CPD: variants seen among roughly 807,000 people sequenced by gnomAD.
CPD encodes the protein carboxypeptidase D.
A neutral mutation model predicts 138.3 loss-of-function variants in CPD; 69 were observed. The ratio of observed to expected loss-of-function variants is 0.50; its 90% confidence interval spans 0.41 to 0.61. The LOEUF is 0.61. Ranked by LOEUF, CPD falls within the 20% of genes least tolerant of loss-of-function variation. The probability of loss-of-function intolerance (pLI) is 0.00; values close to 1 mark genes in which losing one functional copy is unlikely to be tolerated. For missense variants in CPD, 1,432 were observed against 1,733.3 expected (o/e 0.83, Z 3.09); for synonymous variants, 651 against 642.1 (o/e 1.01, Z -0.21).
At chr17:30,455,275 T>C in intron 14 of CPD, 64 bp from the exon 15 acceptor site, 2 of 1,311,354 alleles carry the variant, frequency 1.5e-6, no homozygotes, top group South Asian at 2.8e-5. Context: ...AGAGAATATT[T>C]TCTTAGATAC....
intron 7 of CPD, among the ~76,000 whole-genome samples, chr17:30,430,658 C>T (rs1052360073): frequency 2.0e-5 from 3 of 151,976 alleles, no homozygotes; most frequent in Admixed American, 6.6e-5. Context: ...TTTCCCCGTG[C>T]CCCCCTTGTT....
At chr17:30,381,857 A>T (rs759871738) in intron 1 of CPD, among the ~76,000 whole-genome samples, 1 of 152,232 alleles carries the variant, frequency 6.6e-6, no homozygotes, top group Non-Finnish European at 1.5e-5. Context: ...TATTTCGAAT[A>T]TGTAAAATTT....
chr17:30,455,739 G>A (rs775990082), intron 15 of CPD: 39 of 338,702 alleles, frequency 1.2e-4, no homozygotes, highest in Non-Finnish European at 1.8e-4. Context: ...TATTATGTCT[G>A]TAAATATTGA....
chr17:30,439,124 G>C (rs1393469022), intron 9 of CPD, 47 bp downstream of exon 9: 2 of 1,041,170 alleles, frequency 1.9e-6, no homozygotes, highest in African/African-American at 1.7e-5. Context: ...TGGCCTTTCT[G>C]CTTTCCTAGA....
chr17:30,408,218 T>G (rs535037781), intron 2 of CPD, among the ~76,000 whole-genome samples: 1 of 152,314 alleles, frequency 6.6e-6, no homozygotes, highest in South Asian at 2.1e-4. Context: ...AGCCTTGTAG[T>G]ATAGTTTGAA....
At chr17:30,429,531 C>T (rs534909877) in intron 7 of CPD, among the ~76,000 whole-genome samples, 1 of 151,998 alleles carries the variant, frequency 6.6e-6, no homozygotes, top group Non-Finnish European at 1.5e-5. Context: ...GTAAAAAATC[C>T]TCATAGAGTC....
At chr17:30,427,836 A>G (rs1373107199) in intron 7 of CPD, among the ~76,000 whole-genome samples, 3 of 130,048 alleles carry the variant, frequency 2.3e-5, no homozygotes, top group African/African-American at 8.9e-5. Flanking sequence ...CTCACCTACT[A>G]CTTCTCTTTC....
chr17:30,463,153 G>T (rs973558417), intron 20 of CPD, among the ~76,000 whole-genome samples: 1 of 152,186 alleles, frequency 6.6e-6, no homozygotes, highest in Non-Finnish European at 1.5e-5. Context: ...TGGGGGGCCT[G>T]TTCCCAACAC....
rs748726965 is a variant in CPD at position 30,379,556 on chromosome 17, G to T, written c.576G>T (p.Glu192Asp). The change falls in exon 1 of 21, where the codon GAG (glutamate) becomes GAT (aspartate). Residue 192 changes from glutamate (E) to aspartate (D), a missense_variant. This residue lies in a region of CPD where 484 missense variants were observed against 477.2 expected (regional missense o/e 1.01). Coordinates refer to ENST00000225719, the MANE Select transcript of CPD (RefSeq NM_001304.5). This position sits in a 1 kb window ranked among gnomAD's most constrained non-coding sequence, Gnocchi z 7.0. The stretch of plus-strand genomic sequence containing the variant: ...CCGATGGCTTCGAGCGTGCCCGCGA[G>T]GGCGACTGTGGCTTCGGCGACGGCG... ...LNPDGFERAR[E>D]GDCGFGDGGP... 1.3e-6 allele frequency: 2 copies of T among 1,543,014 alleles called. No individual in the cohort carries two copies. The highest frequency in any genetic ancestry group is 1.2e-5 in the South Asian group (1 of 83,706).
chr17:30,396,375 TA>T (rs901313250), intron 2 of CPD, among the ~76,000 whole-genome samples: 57 of 144,976 alleles, frequency 3.9e-4, no homozygotes, highest in Admixed American at 9.6e-4. Context: ...CAGAGGCAAG[TA>T]AAAAAAAAAA....
rs1332660082 is a variant in CPD at position 30,449,763 on chromosome 17, G to A, written c.3069+15G>A. ...CTGTTACCCAAGTAAGAGAATAGCC[G>A]AGGTTGACATGCTTTAAAAGGAAAA... On this transcript the variant is annotated intron_variant, in intron 13 of 20. Coordinates refer to ENST00000225719, the MANE Select transcript of CPD (RefSeq NM_001304.5). 4.1e-5 allele frequency: 63 copies of A among 1,535,102 alleles called. No individual in the cohort carries two copies. Among genetic ancestry groups the A allele is most frequent in the Admixed American group, 1.8e-4 (7 of 39,974 alleles).
intron 2 of CPD, among the ~76,000 whole-genome samples, chr17:30,388,915 A>G (rs1254173819): frequency 2.6e-5 from 4 of 152,144 alleles, no homozygotes; most frequent in Non-Finnish European, 4.4e-5. Context: ...CTTGGCCCCA[A>G]GTGGCCCGCG....
chr17:30,456,471 T>G lies in CPD; in HGVS notation c.3443T>G (p.Ile1148Ser). ...CTTAATGCTTTTATAGATGAGAATA[T>G]TCCAGGAGGAGTAATGCGTGGAGCA... ...PSCPNKSDEN[I>S]PGGVMRGAEW... Residue 1148 changes from isoleucine (I) to serine (S), a missense_variant, in exon 17 of 21, where the codon ATT becomes AGT. Around this residue, in one of 6 missense-constraint regions of CPD, gnomAD observed 366 missense variants for 518.8 expected, o/e 0.71. Transcript: ENST00000225719. 1 of 1,614,208 alleles carries G rather than the reference T, an allele frequency of 6.2e-7. No homozygotes were observed. Among genetic ancestry groups the G allele is most frequent in the Non-Finnish European group, 8.5e-7 (1 of 1,180,004 alleles).
intron 10 of CPD, 150 bp downstream of exon 10, chr17:30,442,600 G>C (rs1912908164): frequency 1.4e-6 from 1 of 694,210 alleles, no homozygotes; most frequent in South Asian, 2.4e-5. Flanking sequence ...ATTCCAAGGT[G>C]TTTAATATAT....
intron 20 of CPD, among the ~76,000 whole-genome samples, chr17:30,464,252 G>A (rs903179191): frequency 2.6e-5 from 4 of 151,998 alleles, no homozygotes; most frequent in African/African-American, 4.8e-5. Flanking sequence ...AATTAGCCAG[G>A]TGTGGTGGCA....
intron 12 of CPD, among the ~76,000 whole-genome samples, chr17:30,446,980 G>A (rs918955515): frequency 4.6e-5 from 7 of 152,176 alleles, no homozygotes; most frequent in South Asian, 2.1e-4. Flanking sequence ...CTTCTTTTGA[G>A]AAGTGTCTGT....
Position 30,385,036 on chromosome 17 carries a change from A to G in CPD, c.794A>G (p.Tyr265Cys), listed in dbSNP as rs756329163. Residue 265 changes from tyrosine to cysteine, a missense_variant, in exon 2 of 21, where the codon TAT becomes TGT. Physicochemically the swap from Tyr to Cys is radical, Grantham distance 194 (BLOSUM62 -2). Coordinates refer to ENST00000225719, the MANE Select transcript of CPD (RefSeq NM_001304.5). ...CATGGTGGCTCAGTGGTAGCAAGCT[A>G]TCCTTTTGATGATTCTCCAGAACAT... Reference protein sequence around the residue: ...NLHGGSVVASYPFDDSPEHKA... With the variant: ...NLHGGSVVASCPFDDSPEHKA... 5 of 1,613,940 alleles carry G rather than the reference A, an allele frequency of 3.1e-6. No individual in the cohort carries two copies. In the African/African-American group the frequency reaches 5.3e-5, roughly 17 times the overall value.
intron 12 of CPD, 33 bp downstream of exon 12, chr17:30,446,053 T>C (rs1321706872): frequency 6.8e-7 from 1 of 1,481,388 alleles, no homozygotes; most frequent in Admixed American, 2.1e-5. Context: ...TTTTTTTTTT[T>C]TTCAAGACAG....
At chr17:30,386,303 A>G (rs1020782603) in intron 2 of CPD, among the ~76,000 whole-genome samples, 1 of 152,200 alleles carries the variant, frequency 6.6e-6, no homozygotes, top group Non-Finnish European at 1.5e-5. Flanking sequence ...TGCTGGGATT[A>G]TAGATGTGAG....
Sources: allele counts gnomAD v4.1 joint callset (sites outside exome capture counted in the v4.1 genomes callset), GRCh38; gene constraint gnomAD v4.1.1; regional missense constraint gnomAD v4.1.1; non-coding constraint Gnocchi (gnomAD v3.1); transcripts MANE v1.5; gene names NCBI Gene and HGNC (gene_info 2026-07-23, HGNC 2026-07-21).